The following RYR2 variants were observed in gnomAD, a reference collection of about 807,000 sequenced individuals.
RYR2 encodes the protein cardiac muscle ryanodine receptor-calcium release channel.
RYR2 carries 227 observed loss-of-function variants against 601.1 expected under a neutral mutation model. The observed-to-expected ratio is 0.38, with a 90% CI of 0.34 to 0.42. RYR2 has a LOEUF of 0.42. Ranked by LOEUF, RYR2 falls within the 10% of genes least tolerant of loss-of-function variation. The pLI is 1.00. For missense variants in RYR2, 4,646 were observed against 6,156.5 expected (o/e 0.75, Z 8.21); for synonymous variants, 2,223 against 2,175.1 (o/e 1.02, Z -0.61).
intron 1 of RYR2, among the ~76,000 whole-genome samples, chr1:237,070,877 A>G (rs1664228204): frequency 6.6e-6 from 1 of 152,212 alleles, no homozygotes; most frequent in South Asian, 2.1e-4. Flanking sequence ...AAGCTCAGAG[A>G]TGCCAGGAAC....
At position 237,195,513 on chromosome 1, in the gene RYR2, A is replaced by G. The variant is rs372321103; in HGVS notation, c.49-74984A>G. On this transcript the variant is annotated intron_variant, in intron 1 of 104. Transcript: ENST00000366574. ...GGTGATCCACCCACCTTGGCCTCCC[A>G]AAGTGCTGGGATTACAGGTGTGAGC... 3.8e-3 allele frequency among the ~76,000 whole-genome samples: 580 copies of G among 152,334 alleles called. 5 individuals are homozygous for G. The highest frequency in any genetic ancestry group is 0.013 in the South Asian group (63 of 4,822).
chr1:237,323,785 A>T (rs1052007573), intron 2 of RYR2, among the ~76,000 whole-genome samples: 4 of 152,214 alleles, frequency 2.6e-5, no homozygotes, highest in African/African-American at 7.2e-5. Flanking sequence ...TTCTATTGGC[A>T]AGAATGCCAA....
At chr1:237,336,015 C>T (rs533024874) in intron 3 of RYR2, among the ~76,000 whole-genome samples, 2 of 152,164 alleles carry the variant, frequency 1.3e-5, no homozygotes, top group Non-Finnish European at 1.5e-5. Context: ...TATAAAGGTT[C>T]TATGTATAGA....
At chr1:237,331,459 GTAATTTT>G (rs1696702448) in intron 3 of RYR2, among the ~76,000 whole-genome samples, 1 of 151,952 alleles carries the variant, frequency 6.6e-6, no homozygotes, top group Admixed American at 6.6e-5. Context: ...TTAGGCTATT[GTAATTTT>G]GCAAACAGCT....
intron 2 of RYR2, among the ~76,000 whole-genome samples, chr1:237,311,232 A>T (rs1318450334): frequency 1.3e-5 from 2 of 152,190 alleles, no homozygotes; most frequent in African/African-American, 2.4e-5. Flanking sequence ...ATAAAAGCTG[A>T]TATTTCTCCA....
chr1:237,366,883 A>G (rs1700244183), intron 5 of RYR2, among the ~76,000 whole-genome samples: 1 of 152,180 alleles, frequency 6.6e-6, no homozygotes. Context: ...TAAATCTGGT[A>G]TGAAAAGGTG....
At chr1:237,706,890 C>T (rs754454286) in intron 67 of RYR2, 59 bp from the exon 68 acceptor site, 71 of 1,410,246 alleles carry the variant, frequency 5.0e-5, no homozygotes, top group Non-Finnish European at 6.2e-5. Context: ...TGTGGAAATC[C>T]GCCATATCAT....
chr1:237,571,464 G>A (rs1261887480), intron 29 of RYR2, among the ~76,000 whole-genome samples: 1 of 151,906 alleles, frequency 6.6e-6, no homozygotes, highest in East Asian at 1.9e-4. Context: ...ACAGGGGTGT[G>A]CCAACACGCC....
intron 1 of RYR2, among the ~76,000 whole-genome samples, chr1:237,191,336 G>A (rs760422800): frequency 1.1e-4 from 17 of 151,920 alleles, no homozygotes; most frequent in Non-Finnish European, 2.4e-4. Context: ...TTGAAATCAG[G>A]GAGTATGAGG....
intron 100 of RYR2, among the ~76,000 whole-genome samples, chr1:237,816,301 T>C (rs1255857876): frequency 6.6e-6 from 1 of 152,166 alleles, no homozygotes; most frequent in Non-Finnish European, 1.5e-5. Flanking sequence ...GGAAAGATGG[T>C]CTAACTAAAG....
intron 1 of RYR2, among the ~76,000 whole-genome samples, chr1:237,201,724 C>T (rs1681214975): frequency 6.6e-6 from 1 of 152,128 alleles, no homozygotes; most frequent in African/African-American, 2.4e-5. Flanking sequence ...GCTCCCAGGG[C>T]TGCTGAGGCC....
At chr1:237,523,643 A>T (rs1347920162) in intron 24 of RYR2, among the ~76,000 whole-genome samples, 1 of 152,068 alleles carries the variant, frequency 6.6e-6, no homozygotes, top group Non-Finnish European at 1.5e-5. Flanking sequence ...AGACTGAGGC[A>T]GGAGAATTGC....
intron 73 of RYR2, among the ~76,000 whole-genome samples, chr1:237,720,438 G>T (rs1243523281): frequency 6.6e-6 from 1 of 152,322 alleles, no homozygotes; most frequent in East Asian, 1.9e-4. Flanking sequence ...GAAGTTTGAT[G>T]TGTACTCAGT....
intron 3 of RYR2, among the ~76,000 whole-genome samples, chr1:237,353,512 A>G (rs1384110563): frequency 5.6e-5 from 7 of 125,906 alleles, no homozygotes; most frequent in African/African-American, 2.6e-4. Context: ...CCGTCTCAAG[A>G]AAAAAAAAAA....
intron 79 of RYR2, among the ~76,000 whole-genome samples, chr1:237,740,624 CTA>C (rs1691528757): frequency 6.6e-6 from 1 of 152,012 alleles, no homozygotes; most frequent in Admixed American, 6.6e-5. Flanking sequence ...TGTGTCTCTC[CTA>C]TGTTTCTGAA....
At chr1:237,419,675 C>T (rs1705366236) in intron 11 of RYR2, among the ~76,000 whole-genome samples, 1 of 152,040 alleles carries the variant, frequency 6.6e-6, no homozygotes, top group South Asian at 2.1e-4. Flanking sequence ...TTCTCTCTGA[C>T]CCTTGATTAA....
Position 237,765,322 on chromosome 1 carries a change from T to G in RYR2, c.11476+4294T>G, listed in dbSNP as rs531173984. Reference sequence around the variant, plus strand: ...GAATATAGCAGAAGATACTGAATTTTTTTTTTTTGATCATGAGGTAGTCCT... The same window carrying G: ...GAATATAGCAGAAGATACTGAATTTGTTTTTTTTGATCATGAGGTAGTCCT... On this transcript the variant is annotated intron_variant, in intron 84 of 104. Transcript: ENST00000366574. Among the ~76,000 whole-genome samples, 1,071 of 152,276 alleles carry G rather than the reference T, an allele frequency of 7.0e-3. 21 individuals are homozygous for G. The highest frequency in any genetic ancestry group is 0.024 in the African/African-American group (988 of 41,562).
intron 16 of RYR2, among the ~76,000 whole-genome samples, chr1:237,465,126 G>T (rs1045755924): frequency 6.6e-6 from 1 of 151,300 alleles, no homozygotes; most frequent in Admixed American, 6.6e-5. Flanking sequence ...ATGCATGCAC[G>T]ATGTTCAGGA....
intron 58 of RYR2, 40 bp downstream of exon 58, chr1:237,667,998 G>C: frequency 6.7e-7 from 1 of 1,485,406 alleles, no homozygotes; most frequent in Non-Finnish European, 9.1e-7. Context: ...AATAATCTGA[G>C]CTCAATTCCA....
Sources: gnomAD v4.1 joint callset for allele counts (sites outside exome capture counted in the v4.1 genomes callset) on GRCh38, gnomAD v4.1.1 for gene constraint, MANE v1.5 for transcripts, NCBI Gene and HGNC (gene_info 2026-07-23, HGNC 2026-07-21) for gene names.